The following PTPRO variants were observed in gnomAD, a reference collection of about 807,000 sequenced individuals.
PTPRO encodes the protein protein tyrosine phosphatase receptor type O, also known as receptor-type tyrosine-protein phosphatase O.
Under a neutral mutation model 145.2 loss-of-function variants are expected in PTPRO, and 62 were observed. That is an observed-to-expected ratio of 0.43 (90% CI 0.35 to 0.53). PTPRO has a LOEUF of 0.53. Among genes scored for constraint, PTPRO ranks in the 20% least tolerant of loss-of-function variants. The pLI is 0.01. For missense variants in PTPRO, 1,345 were observed against 1,482.7 expected, an observed-to-expected ratio of 0.91 and a Z score of 1.53; for synonymous variants, 565 against 514.7, an observed-to-expected ratio of 1.10 and a Z score of -1.32.
chr12:15,523,071 T>A (rs1203965395), intron 10 of PTPRO, among the ~76,000 whole-genome samples: 1 of 152,256 alleles, frequency 6.6e-6, no homozygotes, highest in Admixed American at 6.5e-5. Context: ...GATGCATTGA[T>A]GATCTTTCAA....
chr12:15,364,435 A>G (rs1938299269), intron 1 of PTPRO, among the ~76,000 whole-genome samples: 1 of 152,124 alleles, frequency 6.6e-6, no homozygotes, highest in Non-Finnish European at 1.5e-5. Context: ...ACTGTAATTG[A>G]TTTTTGTGGT....
intron 1 of PTPRO, among the ~76,000 whole-genome samples, chr12:15,460,516 G>A (rs1320218022): frequency 1.3e-5 from 2 of 152,022 alleles, no homozygotes; most frequent in African/African-American, 4.8e-5. Context: ...AGTCTTCATT[G>A]CCTGTTAGAA....
At chr12:15,595,193 C>A in intron 26 of PTPRO, 136 bp downstream of exon 26, 1 of 692,796 alleles carries the variant, frequency 1.4e-6, no homozygotes, top group Non-Finnish European at 2.6e-6. Flanking sequence ...CAGCTCCTGG[C>A]CTCACATGGG....
At chr12:15,500,303 A>T (rs374823882) in intron 4 of PTPRO, among the ~76,000 whole-genome samples, 131 of 152,338 alleles carry the variant, frequency 8.6e-4, no homozygotes, top group African/African-American at 3.2e-3. Flanking sequence ...AAATTCTAAG[A>T]TGTCATGATT....
intron 11 of PTPRO, 127 bp downstream of exon 11, chr12:15,525,092 G>C: frequency 8.6e-7 from 1 of 1,165,636 alleles, no homozygotes; most frequent in Non-Finnish European, 1.2e-6. Context: ...TTAGGCTCTG[G>C]AGATAAGACA....
At chr12:15,454,076 A>G (rs1317447634) in intron 1 of PTPRO, among the ~76,000 whole-genome samples, 2 of 152,198 alleles carry the variant, frequency 1.3e-5, no homozygotes, top group African/African-American at 4.8e-5. Context: ...TGATTTCAAT[A>G]ATTTTGGATA....
At chr12:15,579,946 T>C (rs1944273484) in intron 20 of PTPRO, 93 bp from the exon 21 acceptor site, 1 of 953,466 alleles carries the variant, frequency 1.0e-6, no homozygotes, top group African/African-American at 1.6e-5. Flanking sequence ...ACTCTGTCAC[T>C]GACTGATTTA....
chr12:15,529,261 G>A (rs1942907774), intron 12 of PTPRO, among the ~76,000 whole-genome samples: 1 of 152,174 alleles, frequency 6.6e-6, no homozygotes, highest in Non-Finnish European at 1.5e-5. Context: ...TCAAAATTGG[G>A]TGGTGGAGAG....
chr12:15,415,684 C>T (rs1243086262), intron 1 of PTPRO, among the ~76,000 whole-genome samples: 1 of 151,632 alleles, frequency 6.6e-6, no homozygotes, highest in Non-Finnish European at 1.5e-5. Flanking sequence ...TGTGCCCGGC[C>T]TATGTGAAAT....
chr12:15,586,844 T>A, intron 23 of PTPRO, 53 bp from the exon 24 acceptor site: 2 of 1,608,184 alleles, frequency 1.2e-6, no homozygotes, highest in Non-Finnish European at 1.7e-6. Context: ...TCCTGGGTCA[T>A]CCTAACAGTG....
At chr12:15,553,589 C>T (rs1050087880) in intron 15 of PTPRO, among the ~76,000 whole-genome samples, 1 of 152,176 alleles carries the variant, frequency 6.6e-6, no homozygotes, top group Non-Finnish European at 1.5e-5. Flanking sequence ...AAGGAGATGT[C>T]AAGTTATGCA....
chr12:15,377,805 A>G (rs1262203950), intron 1 of PTPRO, among the ~76,000 whole-genome samples: 1 of 152,158 alleles, frequency 6.6e-6, no homozygotes, highest in Non-Finnish European at 1.5e-5. Flanking sequence ...TTCTCTGACC[A>G]CAAGAAAATA....
chr12:15,331,389 G>A (rs1157641825), intron 1 of PTPRO, among the ~76,000 whole-genome samples: 2 of 152,196 alleles, frequency 1.3e-5, no homozygotes, highest in African/African-American at 4.8e-5. Context: ...GAGCATAGGT[G>A]CCAGGTGAGA....
chr12:15,454,517 C>T (rs564717795), intron 1 of PTPRO, among the ~76,000 whole-genome samples: 28 of 152,232 alleles, frequency 1.8e-4, no homozygotes, highest in African/African-American at 6.3e-4. Flanking sequence ...TTACATAGAT[C>T]GTCTTCTCAC....
chr12:15,534,626 CAAG>C (rs1385244876), intron 12 of PTPRO, among the ~76,000 whole-genome samples: 1 of 152,002 alleles, frequency 6.6e-6, no homozygotes, highest in African/African-American at 2.4e-5. Flanking sequence ...GTCTGAATAA[CAAG>C]AAGAACCAGC....
chr12:15,361,469 G>C (rs1358020246), intron 1 of PTPRO, among the ~76,000 whole-genome samples: 1 of 144,512 alleles, frequency 6.9e-6, no homozygotes, highest in South Asian at 2.2e-4. Flanking sequence ...GAAAGAAAAA[G>C]AAAAAACAAA....
chr12:15,560,269 A>T lies in PTPRO; in HGVS notation c.2704A>T (p.Asn902Tyr). 6.4e-7 allele frequency: 1 copy of T among 1,570,048 alleles called. No homozygotes were observed. The change falls in exon 17 of 27, where the codon AAT becomes TAT. Residue 902 changes from asparagine (N) to tyrosine (Y), a missense_variant. By Grantham distance (143) the Asn-to-Tyr change is moderately radical. Transcript: ENST00000281171. ...WTDYLLAFYI[N>Y]PWSKNGLKKR... Reference sequence around the variant, plus strand: ...TGATTATCTTTTGGCATTTTATATTAATCCTTGGTAAGTGATTTTTTTTTA... The same window carrying T: ...TGATTATCTTTTGGCATTTTATATTTATCCTTGGTAAGTGATTTTTTTTTA...
chr12:15,494,257 A>G (rs1251737319), intron 2 of PTPRO, among the ~76,000 whole-genome samples: 1 of 152,220 alleles, frequency 6.6e-6, no homozygotes, highest in African/African-American at 2.4e-5. Flanking sequence ...AAAGATATTA[A>G]GTGATTCACC....
At chr12:15,567,887 A>G (rs1241375531) in intron 18 of PTPRO, among the ~76,000 whole-genome samples, 7 of 152,176 alleles carry the variant, frequency 4.6e-5, no homozygotes, top group African/African-American at 1.7e-4. Flanking sequence ...CATGGAGCTA[A>G]TGTTGTCTAT....
Sources: gnomAD v4.1 joint callset for allele counts (sites outside exome capture counted in the v4.1 genomes callset) on GRCh38, gnomAD v4.1.1 for gene constraint, MANE v1.5 for transcripts, NCBI Gene and HGNC (gene_info 2026-07-23, HGNC 2026-07-21) for gene names.